Variants in GALNT11 observed in about 807,000 individuals in gnomAD.
GALNT11 encodes the protein UDP-GalNAc:polypeptide N-acetylgalactosaminyltransferase 11.
A neutral mutation model predicts 72.7 loss-of-function variants in GALNT11; 47 were observed. The ratio of observed to expected loss-of-function variants is 0.65; its 90% confidence interval spans 0.51 to 0.82. The LOEUF (loss-of-function observed/expected upper bound fraction) is 0.82. Among genes scored for constraint, GALNT11 ranks in the 40% least tolerant of loss-of-function variants. The probability of loss-of-function intolerance (pLI) is 0.00; values close to 1 mark genes in which losing one functional copy is unlikely to be tolerated. For missense variants in GALNT11, 677 were observed against 778.4 expected (o/e 0.87, Z 1.55); for synonymous variants, 270 against 286.6 (o/e 0.94, Z 0.58).
chr7:152,117,443 T>TA (rs779897342), intron 9 of GALNT11, 68 bp downstream of exon 9: 6 of 1,467,344 alleles, frequency 4.1e-6, no homozygotes, highest in Non-Finnish European at 9.5e-7. Context: ...GAGGTGTCCA[T>TA]AAGCTATGAC....
intron 1 of GALNT11, among the ~76,000 whole-genome samples, chr7:152,065,407 C>T (rs529068747): frequency 4.6e-5 from 7 of 152,150 alleles, no homozygotes; most frequent in Non-Finnish European, 8.8e-5. Context: ...TCCTTTAGCT[C>T]GGAGTAGTTT....
At chr7:152,082,664 G>A (rs1428564854) in intron 1 of GALNT11, among the ~76,000 whole-genome samples, 1 of 152,212 alleles carries the variant, frequency 6.6e-6, no homozygotes, top group Non-Finnish European at 1.5e-5. Flanking sequence ...AAGAATGTTA[G>A]CACAGGTCTT....
intron 2 of GALNT11, among the ~76,000 whole-genome samples, chr7:152,097,333 A>G (rs954364445): frequency 5.3e-5 from 8 of 152,170 alleles, no homozygotes; most frequent in African/African-American, 1.9e-4. Context: ...CTATAATAAT[A>G]AACTTAAAAA....
At chr7:152,032,227 C>T (rs1204636194) in intron 1 of GALNT11, among the ~76,000 whole-genome samples, 1 of 152,176 alleles carries the variant, frequency 6.6e-6, no homozygotes. Context: ...CCTGACCAAA[C>T]AGATGAGGGC....
chr7:152,106,714 C>T (rs1023156657), intron 5 of GALNT11, among the ~76,000 whole-genome samples: 13 of 151,962 alleles, frequency 8.6e-5, no homozygotes, highest in Non-Finnish European at 1.9e-4. Context: ...GGTTTTTTTC[C>T]CTTATGATCT....
intron 1 of GALNT11, among the ~76,000 whole-genome samples, chr7:152,090,057 A>C (rs540824948): frequency 1.3e-5 from 2 of 152,278 alleles, no homozygotes; most frequent in Non-Finnish European, 2.9e-5. Flanking sequence ...TCTTGCTTAC[A>C]AAGGTGGTTT....
intron 1 of GALNT11, among the ~76,000 whole-genome samples, chr7:152,048,436 G>A (rs2083246172): frequency 6.6e-6 from 1 of 151,834 alleles, no homozygotes; most frequent in African/African-American, 2.4e-5. Context: ...TCTTCCTCTA[G>A]GTTTGGGATG....
At chr7:152,117,475 A>G in intron 9 of GALNT11, 100 bp downstream of exon 9, 1 of 1,149,128 alleles carries the variant, frequency 8.7e-7, no homozygotes, top group Non-Finnish European at 1.3e-6. Flanking sequence ...TGGACTTAAC[A>G]GAGTGTAATG....
At position 152,069,251 on chromosome 7, in the gene GALNT11, G is replaced by A. The variant is rs76800635; in HGVS notation, c.-38-24939G>A. Among the ~76,000 whole-genome samples, 1,000 of 152,210 alleles carry A rather than the reference G, an allele frequency of 6.6e-3. 10 individuals are homozygous for A. Among genetic ancestry groups the A allele is most frequent in the African/African-American group, 0.021 (882 of 41,534 alleles). ...ATTGGGGGATTTTCCAGATATCTCC[G>A]TTACTGATTTCTAGTTTAATTATGT... On this transcript the variant is annotated intron_variant, in intron 1 of 11. Transcript: ENST00000430044.
At chr7:152,050,851 G>A (rs1356430091) in intron 1 of GALNT11, among the ~76,000 whole-genome samples, 1 of 152,174 alleles carries the variant, frequency 6.6e-6, no homozygotes, top group Non-Finnish European at 1.5e-5. Context: ...TGCTTCCTCT[G>A]TGGGCGCCAG....
chr7:152,076,320 G>A (rs1211773324), intron 1 of GALNT11, among the ~76,000 whole-genome samples: 2 of 152,124 alleles, frequency 1.3e-5, no homozygotes, highest in Non-Finnish European at 2.9e-5. Context: ...GAATTGATTG[G>A]TTTTGGTTCT....
intron 4 of GALNT11, chr7:152,104,395 A>C (rs1375302568): frequency 6.6e-6 from 1 of 152,216 alleles, no homozygotes; most frequent in Non-Finnish European, 1.5e-5. Flanking sequence ...AGTATACTTA[A>C]ATATAGAAGG....
At chr7:152,033,746 C>T (rs1349961096) in intron 1 of GALNT11, among the ~76,000 whole-genome samples, 1 of 152,176 alleles carries the variant, frequency 6.6e-6, no homozygotes, top group African/African-American at 2.4e-5. Flanking sequence ...CTCCAGTCCC[C>T]ATGATCTGAG....
At chr7:152,120,541 A>G (rs188969659) in intron 10 of GALNT11, 90 of 319,756 alleles carry the variant, frequency 2.8e-4, no homozygotes, top group African/African-American at 1.9e-3. Flanking sequence ...AGGAATTAAG[A>G]GAGTTATGTA....
intron 1 of GALNT11, among the ~76,000 whole-genome samples, chr7:152,077,353 C>G (rs1354806513): frequency 6.6e-6 from 1 of 152,152 alleles, no homozygotes; most frequent in East Asian, 1.9e-4. Flanking sequence ...GACCCAGGGC[C>G]GCTTTTGCCC....
intron 7 of GALNT11, 56 bp from the exon 8 acceptor site, chr7:152,113,190 A>G (rs2088429240): frequency 1.3e-6 from 2 of 1,520,012 alleles, no homozygotes; most frequent in Non-Finnish European, 1.8e-6. Context: ...AAATTCATAC[A>G]TTGGTTTCAC....
In GALNT11 at chr7:152,108,222, C is replaced by G; in HGVS notation, c.897C>G (p.His299Gln). Reference sequence around the variant, plus strand: ...GCGGAGGGTTCAACTGGGGACTGCACTTCAAATGGGATCTTGTCCCCCTTT... The same window carrying G: ...GCGGAGGGTTCAACTGGGGACTGCAGTTCAAATGGGATCTTGTCCCCCTTT... ...VVRGGFNWGL[H>Q]FKWDLVPLSE... Residue 299 changes from histidine (H) to glutamine (Q), a missense_variant, in exon 6 of 12, where the codon CAC (histidine) becomes CAG (glutamine). Transcript: ENST00000430044. 6.2e-7 allele frequency: 1 copy of G among 1,614,142 alleles called. No homozygotes were observed. Among genetic ancestry groups the G allele is most frequent in the Non-Finnish European group, 8.5e-7 (1 of 1,179,988 alleles).
rs2082811722 is a variant in GALNT11 at position 152,040,623 on chromosome 7, G to T, written c.-39+14739G>T. 1.3e-5 allele frequency among the ~76,000 whole-genome samples: 2 copies of T among 151,530 alleles called. 1 individual carries two copies. Among genetic ancestry groups the T allele is most frequent in the South Asian group, 4.2e-4 (2 of 4,740 alleles). ...AGGGTGCATTCTACTCCTAACTGCTGCTTGCAATTGGGTAAATAAAGTAAT... is the reference window on the plus strand; with the variant it reads ...AGGGTGCATTCTACTCCTAACTGCTTCTTGCAATTGGGTAAATAAAGTAAT... On this transcript the variant is annotated intron_variant, in intron 1 of 11. Transcript: ENST00000430044.
At chr7:152,061,117 ACATCCTCTCCAG>A (rs1397182045) in intron 1 of GALNT11, among the ~76,000 whole-genome samples, 4 of 152,140 alleles carry the variant, frequency 2.6e-5, no homozygotes, top group African/African-American at 9.7e-5. Context: ...CTATTTCTCC[ACATCCTCTCCAG>A]CACCTGTTGT....
Sources: gnomAD v4.1 joint callset for allele counts (sites outside exome capture counted in the v4.1 genomes callset) on GRCh38, gnomAD v4.1.1 for gene constraint, MANE v1.5 for transcripts, NCBI Gene and HGNC (gene_info 2026-07-23, HGNC 2026-07-21) for gene names.